The following UBR1 variants were observed in gnomAD, a reference collection of about 807,000 sequenced individuals.
UBR1 encodes the protein ubiquitin protein ligase E3 component n-recognin 1, also known as E3 ubiquitin-protein ligase UBR1.
In UBR1, 102 loss-of-function variants were observed where a neutral mutation model predicts 242.1. That is an observed-to-expected ratio of 0.42 (90% CI 0.36 to 0.50). UBR1 has a LOEUF of 0.50. Among genes scored for constraint, UBR1 ranks in the 20% least tolerant of loss-of-function variants. The pLI, the probability that UBR1 is intolerant of heterozygous loss-of-function variation, is 0.01. For synonymous variants in UBR1, 675 were observed against 684.8 expected (o/e 0.99, Z 0.22); for missense variants, 1,772 against 2,101.8 (o/e 0.84, Z 3.07).
chr15:42,964,210 C>T (rs1353472017), intron 41 of UBR1, among the ~76,000 whole-genome samples, 167 bp from the exon 42 acceptor site: 2 of 152,052 alleles, frequency 1.3e-5, no homozygotes, highest in Non-Finnish European at 2.9e-5. Flanking sequence ...TGGCTCATGC[C>T]TGTAATCCCA....
chr15:43,080,726 G>A (rs879573598), intron 3 of UBR1, among the ~76,000 whole-genome samples: 2 of 152,138 alleles, frequency 1.3e-5, no homozygotes, highest in Non-Finnish European at 2.9e-5. Flanking sequence ...AGGCCGAGGT[G>A]GGTGGATCAC....
At chr15:42,988,265 A>ATGTGTG (rs1491285980) in intron 35 of UBR1, among the ~76,000 whole-genome samples, 2 of 112,332 alleles carry the variant, frequency 1.8e-5, no homozygotes, top group African/African-American at 5.3e-5. Flanking sequence ...TACTAAAGGA[A>ATGTGTG]TATATGTGTG....
chr15:43,037,185 T>C (rs1004121426), intron 17 of UBR1, among the ~76,000 whole-genome samples: 2 of 151,406 alleles, frequency 1.3e-5, no homozygotes, highest in African/African-American at 2.4e-5. Flanking sequence ...CCATCTCTAC[T>C]AAAAACACAA....
intron 37 of UBR1, among the ~76,000 whole-genome samples, chr15:42,979,115 G>A (rs1483137827): frequency 1.3e-5 from 2 of 151,666 alleles, no homozygotes; most frequent in African/African-American, 2.4e-5. Flanking sequence ...GGATGGTCTC[G>A]ATCTCTTGAC....
intron 2 of UBR1, among the ~76,000 whole-genome samples, chr15:43,085,466 C>A (rs1020854361): frequency 1.3e-5 from 2 of 152,052 alleles, no homozygotes; most frequent in African/African-American, 4.8e-5. Context: ...TATTCAGAAA[C>A]AAGCTATACT....
Position 43,036,596 on chromosome 15 carries a change from A to G in UBR1, c.2023-3T>C, listed in dbSNP as rs770811835. ...TTAACATCTTGGTAATAAAACACCT[A>G]TAAGGTAATAGGTAGAATAAATCCT... On this transcript the variant is annotated splice_polypyrimidine_tract_variant and splice_region_variant and intron_variant, in intron 17 of 46. Transcript: ENST00000290650. 15 of 1,528,404 alleles carry G rather than the reference A, an allele frequency of 9.8e-6. 1 individual carries two copies. The Middle Eastern group carries it at 1.2e-3, about 121-fold the overall frequency. 94.7% of individuals were successfully genotyped at this position (1,528,404 alleles called of 1,614,324 possible).
At chr15:43,037,164 A>G (rs1023976799) in intron 17 of UBR1, among the ~76,000 whole-genome samples, 5 of 151,900 alleles carry the variant, frequency 3.3e-5, no homozygotes, top group African/African-American at 1.2e-4. Context: ...CCTGGCCAAC[A>G]TGGTAAAGCC....
intron 42 of UBR1, among the ~76,000 whole-genome samples, chr15:42,963,534 C>T (rs2032055773): frequency 6.6e-6 from 1 of 150,946 alleles, no homozygotes; most frequent in Non-Finnish European, 1.5e-5. Context: ...TACCAAATGA[C>T]CTTCCTTCTT....
rs975357019 is a variant in UBR1 at position 42,955,576 on chromosome 15, T to C, written c.4835+2437A>G. Among the ~76,000 whole-genome samples the C allele has an allele frequency of 4.6e-5, 7 of 152,226 alleles. No individual in the cohort carries two copies. The East Asian group carries it at 1.3e-3, about 29-fold the overall frequency. On this transcript the variant is annotated intron_variant, in intron 44 of 46. Coordinates refer to ENST00000290650, the MANE Select transcript of UBR1 (RefSeq NM_174916.3). Reference sequence around the variant, plus strand: ...TGTCATCATTATCAATGTGGTTTGCTATGGGAGGTGATATGATGCCTCCTG... The same window carrying C: ...TGTCATCATTATCAATGTGGTTTGCCATGGGAGGTGATATGATGCCTCCTG...
chr15:42,946,193 C>A (rs1360757470), intron 46 of UBR1, among the ~76,000 whole-genome samples: 2 of 152,012 alleles, frequency 1.3e-5, no homozygotes. Context: ...GGTACGATCA[C>A]GGCTCAGGGC....
At position 43,105,966 on chromosome 15, in the gene UBR1, G is replaced by C. The variant is rs747036202; in HGVS notation, c.57C>G (p.Pro19=). The C allele has an allele frequency of 3.7e-6, 6 of 1,614,044 alleles. No homozygotes were observed. The East Asian group carries it at 1.1e-4, about 30-fold the overall frequency. ...TERMEISAEL[P]QTPQRLASWW... The stretch of plus-strand genomic sequence containing the variant: ...CAGATGCCAGACGCTGAGGGGTCTG[G>C]GGTAACTCCGCGCTGATTTCCATCC... Residue 19 remains proline, a synonymous_variant, in exon 1 of 47, where the codon CCC becomes CCG. Transcript: ENST00000290650.
chr15:42,945,560 G>A, intron 46 of UBR1, 90 bp from the exon 47 acceptor site: 4 of 1,524,290 alleles, frequency 2.6e-6, no homozygotes, highest in Non-Finnish European at 3.6e-6. Context: ...CTCTTGAGAT[G>A]TTCCTGGAGC....
chr15:42,994,495 C>A (rs2032606766), intron 33 of UBR1, among the ~76,000 whole-genome samples: 1 of 151,454 alleles, frequency 6.6e-6, no homozygotes, highest in Admixed American at 6.6e-5. Flanking sequence ...TTTAAAAATT[C>A]TCTAAGTCCT....
intron 1 of UBR1, among the ~76,000 whole-genome samples, chr15:43,103,949 G>A (rs1660601129): frequency 6.6e-6 from 1 of 152,074 alleles, no homozygotes. Context: ...GAGAGAGGTA[G>A]AATGATCTGT....
intron 44 of UBR1, among the ~76,000 whole-genome samples, chr15:42,953,900 T>C (rs905053774): frequency 6.6e-6 from 1 of 150,508 alleles, no homozygotes; most frequent in African/African-American, 2.4e-5. Context: ...TTTTTTTTTT[T>C]GAGACAGGGT....
chr15:43,056,879 A>C (rs1285719883), intron 10 of UBR1, among the ~76,000 whole-genome samples: 1 of 152,218 alleles, frequency 6.6e-6, no homozygotes. Flanking sequence ...GATTGAATCC[A>C]GCCTTAAACA....
At chr15:43,061,199 G>A (rs2033679781) in intron 6 of UBR1, among the ~76,000 whole-genome samples, 1 of 152,070 alleles carries the variant, frequency 6.6e-6, no homozygotes, top group Non-Finnish European at 1.5e-5. Context: ...TTGGAGCTCC[G>A]AGCTCTGACT....
chr15:42,988,269 A>G (rs73413058), intron 35 of UBR1, among the ~76,000 whole-genome samples: 2,601 of 147,864 alleles, frequency 0.018, 62 homozygotes, highest in African/African-American at 0.059. Context: ...AAAGGAATAT[A>G]TGTGTGTGTG....
chr15:43,091,952 G>C (rs2141365903), intron 1 of UBR1: 1 of 420,872 alleles, frequency 2.4e-6, no homozygotes, highest in Non-Finnish European at 4.6e-6. Context: ...CAGATGCGGT[G>C]GCACATACCT....
Sources: allele counts gnomAD v4.1 joint callset (sites outside exome capture counted in the v4.1 genomes callset), GRCh38; gene constraint gnomAD v4.1.1; transcripts MANE v1.5; gene names NCBI Gene and HGNC (gene_info 2026-07-23, HGNC 2026-07-21).